Variants in DCAF8L2 observed in about 807,000 individuals in gnomAD.
The protein encoded by DCAF8L2 is DDB1 and CUL4 associated factor 8 like 2, also known as DDB1- and CUL4-associated factor 8-like protein 2.
For missense variants in DCAF8L2, 430 were observed against 490.7 expected (o/e 0.88, Z 1.17); for synonymous variants, 200 against 190.9 (o/e 1.05, Z -0.39).
chrX:27,547,891 T>TCTCTCTCTC, the DCAF8L2 span, among the ~76,000 whole-genome samples: 2 of 57,180 alleles, frequency 3.5e-5, no homozygotes, highest in African/African-American at 6.6e-5. Context: ...CTCTCTCTCT[T>TCTCTCTCTC]TCTCTCTCTC....
At chrX:27,533,228 AAG>A in the DCAF8L2 span, among the ~76,000 whole-genome samples, 1 of 42,842 alleles carries the variant, frequency 2.3e-5, no homozygotes, top group African/African-American at 6.1e-5. Context: ...GAAAGAAAGA[AAG>A]AAAGAGAAAG....
the DCAF8L2 span, among the ~76,000 whole-genome samples, chrX:27,498,021 T>C: frequency 2.7e-5 from 3 of 112,625 alleles, no homozygotes; most frequent in Non-Finnish European, 5.6e-5. Flanking sequence ...AGCTAAATAC[T>C]ATTCCATTGT....
chrX:27,642,421 C>T (rs1014532113), intron 2 of DCAF8L2, among the ~76,000 whole-genome samples: 1 of 110,640 alleles, frequency 9.0e-6, no homozygotes. Flanking sequence ...TTTCTGGCTC[C>T]GATTGAGCCC....
the DCAF8L2 span, among the ~76,000 whole-genome samples, chrX:27,535,860 A>G: frequency 0.096 from 10,697 of 111,749 alleles, 404 homozygotes; most frequent in Non-Finnish European, 0.12. Context: ...ACAAATATAT[A>G]TTGAAATAAT....
chrX:27,633,227 A>G (rs908331496), intron 2 of DCAF8L2: 5 of 112,114 alleles, frequency 4.5e-5, no homozygotes, highest in Non-Finnish European at 9.4e-5. Flanking sequence ...ATAGTGATAT[A>G]AAATCCTAGA....
At chrX:27,706,008 T>C (rs771532594) in intron 3 of DCAF8L2, among the ~76,000 whole-genome samples, 1 of 111,671 alleles carries the variant, frequency 9.0e-6, no homozygotes, top group Non-Finnish European at 1.9e-5. Context: ...CTTCTGTATA[T>C]GGCTAGCCAG....
At chrX:27,705,979 G>A (rs1298506852) in intron 3 of DCAF8L2, among the ~76,000 whole-genome samples, 1 of 111,397 alleles carries the variant, frequency 9.0e-6, no homozygotes, top group African/African-American at 3.3e-5. Context: ...GTGGTATAAG[G>A]AAGGGGTTCA....
chrX:27,514,461 A>C, the DCAF8L2 span, among the ~76,000 whole-genome samples: 1 of 107,918 alleles, frequency 9.3e-6, no homozygotes, highest in Non-Finnish European at 1.9e-5. Flanking sequence ...CGAGGTCAGG[A>C]GATCGAGACC....
the DCAF8L2 span, among the ~76,000 whole-genome samples, chrX:27,470,311 T>TA: frequency 8.9e-6 from 1 of 112,064 alleles, no homozygotes. Context: ...ACCAGGGAGA[T>TA]ACAGCCTTCA....
At chrX:27,687,618 C>A (rs369175816) in intron 3 of DCAF8L2, among the ~76,000 whole-genome samples, 1 of 111,677 alleles carries the variant, frequency 9.0e-6, no homozygotes, top group African/African-American at 3.3e-5. Context: ...CTTTGGGAGG[C>A]TAAGGTGGGA....
the DCAF8L2 span, among the ~76,000 whole-genome samples, chrX:27,583,093 A>G: frequency 9.0e-6 from 1 of 110,932 alleles, no homozygotes; most frequent in Non-Finnish European, 1.9e-5. Flanking sequence ...TTTTCTTTCT[A>G]TGCCTTCTTC....
chrX:27,719,359 AAT>A (rs1188464048), intron 4 of DCAF8L2, among the ~76,000 whole-genome samples: 1 of 111,248 alleles, frequency 9.0e-6, no homozygotes, highest in African/African-American at 3.3e-5. Context: ...TGTTAAAGAA[AAT>A]ATGTTAAAAT....
chrX:27,564,973 C>G, the DCAF8L2 span, among the ~76,000 whole-genome samples: 9 of 109,305 alleles, frequency 8.2e-5, no homozygotes, highest in South Asian at 8.0e-4. Context: ...GGAATCACTC[C>G]CAATTGTTAA....
chrX:27,665,285 T>G (rs1024999280), intron 2 of DCAF8L2, among the ~76,000 whole-genome samples: 1 of 111,301 alleles, frequency 9.0e-6, no homozygotes, highest in Non-Finnish European at 1.9e-5. Flanking sequence ...GTTTAAGATT[T>G]CATTGGAGGA....
chrX:27,617,740 A>G (rs775515200), intron 1 of DCAF8L2, among the ~76,000 whole-genome samples: 4 of 111,485 alleles, frequency 3.6e-5, no homozygotes, highest in Non-Finnish European at 7.5e-5. Context: ...CTGCTCACTT[A>G]TTAGATATTT....
chrX:27,686,947 G>A (rs1202250933), intron 3 of DCAF8L2, among the ~76,000 whole-genome samples: 1 of 112,001 alleles, frequency 8.9e-6, no homozygotes, highest in Admixed American at 9.4e-5. Flanking sequence ...TAGGGTTCAC[G>A]CTTCTATGAG....
intron 3 of DCAF8L2, among the ~76,000 whole-genome samples, chrX:27,686,918 T>C (rs1222180518): frequency 8.9e-6 from 1 of 112,319 alleles, no homozygotes; most frequent in Non-Finnish European, 1.9e-5. Flanking sequence ...CCTACATCCT[T>C]TGCGTGTGCA....
the DCAF8L2 span, among the ~76,000 whole-genome samples, chrX:27,476,726 A>G: frequency 8.9e-6 from 1 of 111,978 alleles, no homozygotes. Flanking sequence ...GGTAACTCTC[A>G]AGGCTAAAAG....
chrX:27,521,067 A>T, the DCAF8L2 span, among the ~76,000 whole-genome samples: 1 of 112,319 alleles, frequency 8.9e-6, no homozygotes, highest in Admixed American at 9.5e-5. Flanking sequence ...TATAAAAACG[A>T]TAATTGTAAA....
Sources: gnomAD v4.1 joint callset for allele counts (sites outside exome capture counted in the v4.1 genomes callset) on GRCh38, gnomAD v4.1.1 for gene constraint, MANE v1.5 for transcripts, NCBI Gene and HGNC (gene_info 2026-07-23, HGNC 2026-07-21) for gene names.